Variants in KCNMA1 observed in about 807,000 individuals in gnomAD.
KCNMA1 encodes Calcium-activated potassium channel subunit alpha-1.
KCNMA1 carries 29 observed loss-of-function variants against 140.0 expected under a neutral mutation model. That is an observed-to-expected ratio of 0.21 (90% confidence interval 0.15 to 0.28). The LOEUF is 0.28. KCNMA1 is among the 10% of genes least tolerant of loss of function. The probability of loss-of-function intolerance (pLI) is 1.00; values close to 1 mark genes in which losing one functional copy is unlikely to be tolerated. For synonymous variants in KCNMA1, 612 were observed against 611.9 expected (o/e 1.00, Z 0.00); for missense variants, 880 against 1,602.2 (o/e 0.55, Z 7.70).
At chr10:76,910,224 T>A in intron 24 of KCNMA1, 128 bp from the exon 25 acceptor site, 1 of 1,016,474 alleles carries the variant, frequency 9.8e-7, no homozygotes. Context: ...TGGAATAAGC[T>A]GTAGATGGAT....
chr10:77,464,789 G>T (rs2097952041), intron 1 of KCNMA1, among the ~76,000 whole-genome samples: 1 of 152,186 alleles, frequency 6.6e-6, no homozygotes, highest in South Asian at 2.1e-4. Flanking sequence ...GAAGGGAAAA[G>T]ACATTCTGAC....
intron 23 of KCNMA1, among the ~76,000 whole-genome samples, chr10:76,920,248 T>C (rs1477716174): frequency 6.6e-6 from 1 of 151,016 alleles, no homozygotes; most frequent in Admixed American, 6.6e-5. Flanking sequence ...TGGTTAATAA[T>C]TGAGAATGAA....
intron 1 of KCNMA1, among the ~76,000 whole-genome samples, chr10:77,453,876 G>A (rs992500927): frequency 1.3e-5 from 2 of 152,100 alleles, no homozygotes; most frequent in African/African-American, 2.4e-5. Context: ...GGCTGGGAAC[G>A]GTTCACCTTC....
chr10:77,539,652 T>A (rs934666360), intron 1 of KCNMA1, among the ~76,000 whole-genome samples: 2 of 152,168 alleles, frequency 1.3e-5, no homozygotes, highest in Non-Finnish European at 2.9e-5. Flanking sequence ...ACGGGTGAAT[T>A]CCCAGCCCTA....
intron 5 of KCNMA1, among the ~76,000 whole-genome samples, chr10:77,135,020 A>AAAAAAAAAAAAAAAAAG: frequency 6.9e-6 from 1 of 145,056 alleles, no homozygotes; most frequent in Non-Finnish European, 1.5e-5. Context: ...AAAAAAAAAA[A>AAAAAAAAAAAAAAAAAG]AAAAAAAAGG....
intron 2 of KCNMA1, among the ~76,000 whole-genome samples, chr10:77,394,644 G>A (rs962962831): frequency 3.3e-5 from 5 of 152,332 alleles, no homozygotes; most frequent in Admixed American, 2.6e-4. Context: ...GACCCACCTG[G>A]CTCTGGCCTC....
intron 2 of KCNMA1, among the ~76,000 whole-genome samples, chr10:77,263,726 G>A (rs2062630982): frequency 6.6e-6 from 1 of 152,128 alleles, no homozygotes; most frequent in Non-Finnish European, 1.5e-5. Context: ...CCATTCAGCT[G>A]ACGATATGAC....
intron 12 of KCNMA1, among the ~76,000 whole-genome samples, chr10:77,083,451 C>A: frequency 8.1e-6 from 1 of 123,398 alleles, no homozygotes; most frequent in Non-Finnish European, 1.6e-5. Context: ...CCCTTGTGCA[C>A]AAAAAGCACT....
At chr10:77,404,757 G>A (rs2154466326) in intron 1 of KCNMA1, among the ~76,000 whole-genome samples, 1 of 152,132 alleles carries the variant, frequency 6.6e-6, no homozygotes, top group African/African-American at 2.4e-5. Flanking sequence ...GTTCAAAGGG[G>A]ACAGATGGCC....
chr10:77,211,899 C>T (rs185738277), intron 3 of KCNMA1, among the ~76,000 whole-genome samples: 304 of 152,262 alleles, frequency 2.0e-3, no homozygotes, highest in Non-Finnish European at 3.4e-3. Context: ...CAATGAGATA[C>T]CGTCTCACAC....
At chr10:77,338,646 C>G (rs896387186) in intron 2 of KCNMA1, among the ~76,000 whole-genome samples, 25 of 152,296 alleles carry the variant, frequency 1.6e-4, no homozygotes, top group Admixed American at 1.0e-3. Context: ...AGCTTTGAAC[C>G]CATCTGACAC....
chr10:77,216,850 A>T (rs553908177), intron 3 of KCNMA1, among the ~76,000 whole-genome samples: 1 of 152,300 alleles, frequency 6.6e-6, no homozygotes, highest in Admixed American at 6.5e-5. Flanking sequence ...CAAGATAAAC[A>T]TTATATTCCT....
chr10:77,505,668 G>A (rs1193465239), intron 1 of KCNMA1, among the ~76,000 whole-genome samples: 1 of 152,212 alleles, frequency 6.6e-6, no homozygotes, highest in Non-Finnish European at 1.5e-5. Context: ...GGAGATAGGG[G>A]TGACTAGTTA....
At chr10:77,266,153 A>G (rs1417617587) in intron 2 of KCNMA1, among the ~76,000 whole-genome samples, 3 of 152,056 alleles carry the variant, frequency 2.0e-5, no homozygotes, top group Admixed American at 2.0e-4. Flanking sequence ...AAACTTGTAA[A>G]GGTGTGGCTG....
rs966689674 is a variant in KCNMA1, at chr10:76,910,626, C to T, written c.3017-530G>A. 2.0e-5 allele frequency: 4 copies of T among 203,454 alleles called. No individual in the cohort carries two copies. In the South Asian group the frequency reaches 2.8e-4, roughly 14 times the overall value. 12.6% of individuals were successfully genotyped at this position (203,454 alleles called of 1,614,324 possible). A position where few individuals can be genotyped will look rare whatever the true frequency, so the allele number is the denominator to read the frequency against. On this transcript the variant is annotated intron_variant, in intron 24 of 27. Transcript: ENST00000286628. ...CCCACTGGGATTGGCCTGGGTAGTT[C>T]CCGGGGTCCCAGGCCCTAAATCTAG...
At chr10:77,165,319 T>C (rs1333333496) in intron 5 of KCNMA1, among the ~76,000 whole-genome samples, 1 of 152,238 alleles carries the variant, frequency 6.6e-6, no homozygotes, top group Non-Finnish European at 1.5e-5. Flanking sequence ...AAATCAGTTC[T>C]GACACATTGA....
chr10:77,035,772 G>A (rs944625653), intron 15 of KCNMA1, among the ~76,000 whole-genome samples: 2 of 152,124 alleles, frequency 1.3e-5, no homozygotes, highest in Non-Finnish European at 2.9e-5. Context: ...CAATGAGAAA[G>A]ATAAAGGTAG....
intron 1 of KCNMA1, among the ~76,000 whole-genome samples, chr10:77,449,422 G>A (rs183226823): frequency 3.3e-4 from 48 of 146,792 alleles, no homozygotes; most frequent in Non-Finnish European, 5.8e-4. Flanking sequence ...ATTCACACAT[G>A]TAAATGCTGG....
intron 2 of KCNMA1, among the ~76,000 whole-genome samples, chr10:77,284,583 G>A (rs548489900): frequency 7.3e-4 from 111 of 151,870 alleles, no homozygotes; most frequent in African/African-American, 2.6e-3. Flanking sequence ...GCACGATCTC[G>A]ACTCACTGCA....
Sources: gnomAD v4.1 joint callset for allele counts (sites outside exome capture counted in the v4.1 genomes callset) on GRCh38, gnomAD v4.1.1 for gene constraint, MANE v1.5 for transcripts, NCBI Gene and HGNC (gene_info 2026-07-23, HGNC 2026-07-21) for gene names.